Variants in OSBPL8 observed in about 807,000 individuals in gnomAD.
OSBPL8 encodes oxysterol binding protein like 8.
A neutral mutation model predicts 125.5 loss-of-function variants in OSBPL8; 59 were observed. The observed-to-expected ratio is 0.47, with a 90% CI of 0.38 to 0.58. The LOEUF (loss-of-function observed/expected upper bound fraction) is 0.58. Ranked by LOEUF, OSBPL8 falls within the 20% of genes least tolerant of loss-of-function variation. The pLI, the probability that OSBPL8 is intolerant of heterozygous loss-of-function variation, is 0.00. For missense variants in OSBPL8, 758 were observed against 1,047.8 expected (o/e 0.72, Z 3.82); for synonymous variants, 330 against 338.9 (o/e 0.97, Z 0.29).
intron 1 of OSBPL8, among the ~76,000 whole-genome samples, chr12:76,513,568 G>A (rs1337407685): frequency 6.6e-6 from 1 of 152,024 alleles, no homozygotes; most frequent in African/African-American, 2.4e-5. Flanking sequence ...ACATCTTTTT[G>A]TAGATTTCTA....
chr12:76,408,644 A>T (rs1383018979), intron 5 of OSBPL8, among the ~76,000 whole-genome samples: 1 of 152,134 alleles, frequency 6.6e-6, no homozygotes, highest in African/African-American at 2.4e-5. Context: ...GCCACTAGCC[A>T]TATGTGGTTA....
At chr12:76,486,098 C>A in intron 2 of OSBPL8, 1 of 398,616 alleles carries the variant, frequency 2.5e-6, no homozygotes, top group Non-Finnish European at 4.9e-6. Context: ...ATTTCCACAC[C>A]CATTTTCTTC....
chr12:76,377,012 G>A (rs1030305111), intron 16 of OSBPL8, among the ~76,000 whole-genome samples: 1 of 152,142 alleles, frequency 6.6e-6, no homozygotes, highest in Non-Finnish European at 1.5e-5. Flanking sequence ...ACTTATGAGT[G>A]AGATCATGTG....
At chr12:76,529,180 T>TA (rs934226178) in intron 1 of OSBPL8, among the ~76,000 whole-genome samples, 63 of 152,280 alleles carry the variant, frequency 4.1e-4, no homozygotes, top group African/African-American at 1.3e-3. Flanking sequence ...GAACAACAAT[T>TA]ATTTAAAGCA....
At chr12:76,384,498 A>C (rs1473495884) in intron 14 of OSBPL8, 148 bp from the exon 15 acceptor site, 5 of 437,910 alleles carry the variant, frequency 1.1e-5, no homozygotes, top group Non-Finnish European at 1.5e-5. Flanking sequence ...GTAAAAATTA[A>C]ATATTGATGG....
chr12:76,543,167 T>C (rs1292067488), intron 1 of OSBPL8, among the ~76,000 whole-genome samples: 8 of 152,054 alleles, frequency 5.3e-5, no homozygotes, highest in South Asian at 4.1e-4. Context: ...CACATCTGCC[T>C]AGCTCCTACT....
intron 4 of OSBPL8, among the ~76,000 whole-genome samples, chr12:76,417,383 T>C (rs2136463678): frequency 6.6e-6 from 1 of 152,318 alleles, no homozygotes; most frequent in South Asian, 2.1e-4. Context: ...TTCTTTTTAA[T>C]TTGTTTTCTT....
At chr12:76,465,078 C>T (rs958930599) in intron 2 of OSBPL8, among the ~76,000 whole-genome samples, 1 of 152,132 alleles carries the variant, frequency 6.6e-6, no homozygotes, top group Non-Finnish European at 1.5e-5. Context: ...TACTTGTGCA[C>T]ATTTTACCCT....
At chr12:76,377,845 A>G (rs1777362393) in intron 16 of OSBPL8, among the ~76,000 whole-genome samples, 1 of 152,020 alleles carries the variant, frequency 6.6e-6, no homozygotes, top group Non-Finnish European at 1.5e-5. Flanking sequence ...TCTGTGCTTC[A>G]TTTTTCCTCT....
chr12:76,460,940 T>G (rs1340528225), intron 2 of OSBPL8, among the ~76,000 whole-genome samples: 1 of 152,230 alleles, frequency 6.6e-6, no homozygotes, highest in Admixed American at 6.5e-5. Flanking sequence ...TTTTGTCACC[T>G]CCTTGAATAA....
chr12:76,492,541 C>T (rs921986777), intron 1 of OSBPL8, among the ~76,000 whole-genome samples: 3 of 152,144 alleles, frequency 2.0e-5, no homozygotes, highest in Non-Finnish European at 4.4e-5. Flanking sequence ...TCTGTATTTA[C>T]AGCAACTCCC....
chr12:76,486,196 G>T, intron 2 of OSBPL8: 1 of 290,622 alleles, frequency 3.4e-6, no homozygotes, highest in Non-Finnish European at 6.9e-6. Flanking sequence ...AGAAAGGCTG[G>T]GACCAAGTTA....
At chr12:76,472,273 GTA>G (rs1247919656) in intron 2 of OSBPL8, among the ~76,000 whole-genome samples, 1 of 152,122 alleles carries the variant, frequency 6.6e-6, no homozygotes, top group Non-Finnish European at 1.5e-5. Context: ...TTGGTCTTTA[GTA>G]TCTTCCTGAA....
chr12:76,470,112 C>T (rs964989691), intron 2 of OSBPL8, among the ~76,000 whole-genome samples: 3 of 152,126 alleles, frequency 2.0e-5, no homozygotes, highest in Non-Finnish European at 2.9e-5. Context: ...GGTCTCTTGC[C>T]ATGATTAATC....
At position 76,458,994 on chromosome 12, in the gene OSBPL8, A is replaced by T. The variant is rs541809337; in HGVS notation, c.79+865T>A. On this transcript the variant is annotated intron_variant, in intron 3 of 23. Coordinates refer to ENST00000261183, the MANE Select transcript of OSBPL8 (RefSeq NM_020841.5). ...TTCATCAATGAAGTTAAAAATCTTC[A>T]TCTATGATGCAGTAAAATTTTAACT... is the stretch of plus-strand genomic sequence containing the variant. Among the ~76,000 whole-genome samples, 92 of 152,334 alleles carry T rather than the reference A, an allele frequency of 6.0e-4. 1 individual carries two copies. Among genetic ancestry groups the T allele is most frequent in the African/African-American group, 2.1e-3 (86 of 41,582 alleles).
intron 2 of OSBPL8, among the ~76,000 whole-genome samples, chr12:76,482,601 G>A (rs1162771014): frequency 2.7e-5 from 4 of 148,482 alleles, no homozygotes; most frequent in East Asian, 3.9e-4. Context: ...CAACAAGAGC[G>A]AAACTCCGTT....
intron 1 of OSBPL8, among the ~76,000 whole-genome samples, chr12:76,552,087 C>G (rs886293088): frequency 2.6e-5 from 4 of 152,064 alleles, no homozygotes; most frequent in Admixed American, 1.3e-4. Context: ...TCTGCCACTT[C>G]AACCCAGAAG....
At chr12:76,552,732 C>CAA (rs1950981119) in intron 1 of OSBPL8, among the ~76,000 whole-genome samples, 2 of 152,234 alleles carry the variant, frequency 1.3e-5, no homozygotes, top group South Asian at 4.1e-4. Flanking sequence ...TTGGCCACCC[C>CAA]AAGTCAGCAT....
chr12:76,388,237 A>G (rs941458802), intron 12 of OSBPL8, among the ~76,000 whole-genome samples: 4 of 152,200 alleles, frequency 2.6e-5, no homozygotes, highest in Admixed American at 6.5e-5. Context: ...GCCATTCTGT[A>G]TATGTGGCAT....
Sources: gnomAD v4.1 joint callset for allele counts (sites outside exome capture counted in the v4.1 genomes callset) on GRCh38, gnomAD v4.1.1 for gene constraint, MANE v1.5 for transcripts, NCBI Gene and HGNC (gene_info 2026-07-23, HGNC 2026-07-21) for gene names.